Variants in MON2 observed in about 807,000 individuals in gnomAD.
MON2 encodes protein MON2 homolog.
In MON2, 84 loss-of-function variants were observed where a neutral mutation model predicts 208.6. That is an observed-to-expected ratio of 0.40 (90% CI 0.34 to 0.48). MON2 has a LOEUF of 0.48. Among genes scored for constraint, MON2 ranks in the 20% least tolerant of loss-of-function variants. The probability of loss-of-function intolerance (pLI) is 0.59; values close to 1 mark genes in which losing one functional copy is unlikely to be tolerated. For missense variants in MON2, 1,611 were observed against 2,015.4 expected (o/e 0.80, Z 3.84); for synonymous variants, 660 against 694.0 (o/e 0.95, Z 0.77).
intron 1 of MON2, among the ~76,000 whole-genome samples, chr12:62,480,087 G>A (rs2069322131): frequency 6.6e-6 from 1 of 152,146 alleles, no homozygotes; most frequent in Non-Finnish European, 1.5e-5. Context: ...GTGCCTATGA[G>A]AATAAGATGA....
chr12:62,546,748 C>T (rs1019780187), intron 21 of MON2, 149 bp from the exon 22 acceptor site: 2 of 585,786 alleles, frequency 3.4e-6, no homozygotes, highest in East Asian at 6.7e-5. Flanking sequence ...CAGGACGAGA[C>T]TCCATTTCAA....
intron 20 of MON2, among the ~76,000 whole-genome samples, chr12:62,543,703 G>A (rs1229724704): frequency 2.0e-5 from 3 of 152,048 alleles, no homozygotes; most frequent in Non-Finnish European, 4.4e-5. Flanking sequence ...CGCCTCTCAG[G>A]TTCAGGCAAT....
At chr12:62,557,187 C>T (rs2073999601) in intron 25 of MON2, among the ~76,000 whole-genome samples, 1 of 152,012 alleles carries the variant, frequency 6.6e-6, no homozygotes, top group Non-Finnish European at 1.5e-5. Flanking sequence ...TCAAAAAGAT[C>T]ACAAAGTGCA....
chr12:62,576,375 G>A (rs2074784816), intron 30 of MON2, among the ~76,000 whole-genome samples: 1 of 151,934 alleles, frequency 6.6e-6, no homozygotes, highest in African/African-American at 2.4e-5. Context: ...TGATCAAAAT[G>A]TTCTGGAATT....
chr12:62,480,491 A>G (rs1346263958), intron 1 of MON2, among the ~76,000 whole-genome samples: 1 of 152,162 alleles, frequency 6.6e-6, no homozygotes, highest in East Asian at 1.9e-4. Flanking sequence ...GCTTGAGCCT[A>G]GGGGTCCGTG....
intron 1 of MON2, among the ~76,000 whole-genome samples, chr12:62,469,234 T>C (rs955190705): frequency 1.1e-4 from 17 of 151,286 alleles, no homozygotes; most frequent in Admixed American, 2.6e-4. Flanking sequence ...TGAACCACCA[T>C]GCCCAGCCAG....
chr12:62,588,144 C>A lies in MON2; in HGVS notation c.4978C>A (p.Gln1660Lys), dbSNP rs2075278958. Residue 1660 changes from glutamine (Q) to lysine (K), a missense_variant, in exon 34 of 35, where the codon CAG (glutamine) becomes AAG (lysine). By Grantham distance (53) the Gln-to-Lys change is moderately conservative. Coordinates refer to ENST00000393630, the MANE Select transcript of MON2 (RefSeq NM_015026.3). Reference protein sequence around the residue: ...STLIDSLKKTQPENVDGNTWA... With the variant: ...STLIDSLKKTKPENVDGNTWA... ...TCTTATTGATTCACTTAAGAAAACT[C>A]AGCCTGAGAATGGTAAGTGCTTAGA... 1.3e-6 allele frequency: 2 copies of A among 1,572,306 alleles called. No homozygotes were observed. The highest frequency in any genetic ancestry group is 1.7e-6 in the Non-Finnish European group (2 of 1,147,152).
chr12:62,502,407 TAA>T (rs549207731), intron 7 of MON2, among the ~76,000 whole-genome samples: 28 of 135,208 alleles, frequency 2.1e-4, no homozygotes, highest in Non-Finnish European at 2.6e-4. Flanking sequence ...TTTCTTAAAT[TAA>T]AAAAAAAAAA....
chr12:62,588,673 C>T (rs1390086882), intron 34 of MON2, among the ~76,000 whole-genome samples: 2 of 152,024 alleles, frequency 1.3e-5, no homozygotes, highest in Non-Finnish European at 2.9e-5. Context: ...TCCTCATCCT[C>T]CCAAAGCAAA....
intron 19 of MON2, among the ~76,000 whole-genome samples, chr12:62,541,261 A>G (rs1424126336): frequency 6.6e-6 from 1 of 151,950 alleles, no homozygotes; most frequent in Non-Finnish European, 1.5e-5. Context: ...CACACCTATA[A>G]TCCCAGCTGT....
At chr12:62,519,717 TAA>T (rs941095141) in intron 8 of MON2, among the ~76,000 whole-genome samples, 1 of 152,236 alleles carries the variant, frequency 6.6e-6, no homozygotes, top group African/African-American at 2.4e-5. Context: ...TCTGGCTTCA[TAA>T]AGACATGTAG....
intron 2 of MON2, among the ~76,000 whole-genome samples, chr12:62,489,380 C>G (rs2069983574): frequency 1.3e-5 from 2 of 152,082 alleles, no homozygotes; most frequent in South Asian, 4.1e-4. Flanking sequence ...ATTTTACATT[C>G]ATTTCTTCGA....
intron 30 of MON2, among the ~76,000 whole-genome samples, chr12:62,574,526 A>G (rs2074709320): frequency 6.6e-6 from 1 of 152,054 alleles, no homozygotes; most frequent in Non-Finnish European, 1.5e-5. Flanking sequence ...ATAGGCATGC[A>G]CCACCACACC....
intron 7 of MON2, among the ~76,000 whole-genome samples, chr12:62,504,248 T>TC (rs2070989564): frequency 6.8e-6 from 1 of 146,266 alleles, no homozygotes; most frequent in South Asian, 2.2e-4. Flanking sequence ...TTCTTTTCTT[T>TC]TTTTTTTTTT....
chr12:62,587,832 C>A, intron 33 of MON2: 2 of 309,956 alleles, frequency 6.5e-6, no homozygotes, highest in Non-Finnish European at 1.2e-5. Flanking sequence ...GTAGATTGCC[C>A]CACCTCTTTA....
At chr12:62,516,317 T>A (rs2071687044) in intron 8 of MON2, among the ~76,000 whole-genome samples, 1 of 151,902 alleles carries the variant, frequency 6.6e-6, no homozygotes, top group Admixed American at 6.6e-5. Flanking sequence ...TAGGGATGGT[T>A]AATGGGTACA....
At position 62,560,493 on chromosome 12, in the gene MON2, G is replaced by T; in HGVS notation, c.3412G>T (p.Asp1138Tyr). 1 of 1,592,264 alleles carries T rather than the reference G, an allele frequency of 6.3e-7. No homozygotes were observed. The highest frequency in any genetic ancestry group is 8.5e-7 in the Non-Finnish European group (1 of 1,173,916). ...TRRYLLQPLG[D>Y]FSRAWDVLLD... ...TTTTTTTTCTCTTCCTAATATAGGA[G>T]ATTTTTCAAGAGCTTGGGATGTTCT... Residue 1138 changes from aspartate to tyrosine, a missense_variant and splice_region_variant, in exon 26 of 35, where the codon GAT (aspartate) becomes TAT (tyrosine). Coordinates refer to ENST00000393630, the MANE Select transcript of MON2 (RefSeq NM_015026.3).
At chr12:62,501,814 G>A in intron 7 of MON2, 116 bp downstream of exon 7, 1 of 1,124,544 alleles carries the variant, frequency 8.9e-7, no homozygotes, top group Non-Finnish European at 1.3e-6. Context: ...GGCCAGAGTT[G>A]GTGGTTCATG....
intron 1 of MON2, 116 bp from the exon 2 acceptor site, chr12:62,484,054 G>A (rs2069612828): frequency 4.3e-6 from 3 of 703,886 alleles, no homozygotes; most frequent in African/African-American, 3.6e-5. Context: ...TTAAAAAGGT[G>A]GTAGGGTAGT....
Sources: gnomAD v4.1 joint callset for allele counts (sites outside exome capture counted in the v4.1 genomes callset) on GRCh38, gnomAD v4.1.1 for gene constraint, MANE v1.5 for transcripts, NCBI Gene and HGNC (gene_info 2026-07-23, HGNC 2026-07-21) for gene names.